CD109: variants seen among roughly 807,000 people sequenced by gnomAD.
CD109 encodes CD109 molecule.
Under a neutral mutation model 165.8 loss-of-function variants are expected in CD109, and 149 were observed. That is an observed-to-expected ratio of 0.90 (90% confidence interval 0.79 to 1.03). The LOEUF (loss-of-function observed/expected upper bound fraction) is 1.03. Ranked by LOEUF, CD109 falls within the 50% of genes least tolerant of loss-of-function variation. CD109 has a pLI of 0.00. For synonymous variants in CD109, 585 were observed against 592.1 expected (o/e 0.99, Z 0.18); for missense variants, 1,712 against 1,677.8 (o/e 1.02, Z -0.36).
intron 32 of CD109, 21 bp downstream of exon 32, chr6:73,820,584 T>G: frequency 1.5e-6 from 2 of 1,340,888 alleles, no homozygotes; most frequent in Non-Finnish European, 2.1e-6. Flanking sequence ...TCTGGAGTTC[T>G]TAATACTTTA....
intron 23 of CD109, among the ~76,000 whole-genome samples, chr6:73,798,755 C>T (rs574505041): frequency 2.6e-5 from 4 of 152,158 alleles, no homozygotes; most frequent in Non-Finnish European, 5.9e-5. Flanking sequence ...AGGTCAGCCA[C>T]CTGAGGGGTA....
At chr6:73,774,393 C>T (rs1017038604) in intron 15 of CD109, among the ~76,000 whole-genome samples, 1 of 152,144 alleles carries the variant, frequency 6.6e-6, no homozygotes, top group Non-Finnish European at 1.5e-5. Flanking sequence ...CTTTCTGCTG[C>T]TTGCCTCTAT....
intron 4 of CD109, 118 bp downstream of exon 4, chr6:73,730,692 C>G: frequency 1.5e-6 from 1 of 677,944 alleles, no homozygotes; most frequent in Non-Finnish European, 2.5e-6. Flanking sequence ...GATAAGCTTC[C>G]CTCCCAACAT....
rs1162677087 is a variant in CD109, at chr6:73,787,372, C to A, written c.2476C>A (p.His826Asn). Residue 826 changes from histidine to asparagine, a missense_variant, in exon 21 of 33, where the codon CAT becomes AAT. Transcript: ENST00000287097. ...ATVLFPIRPT[H>N]LGEIPITVTA... ...TGTTCTTTTTCCCATCAGGCCAACA[C>A]ATCTGGGAGAAATTCCTATCACAGT... 6.2e-7 allele frequency: 1 copy of A among 1,614,006 alleles called. No homozygotes were observed. Among genetic ancestry groups the A allele is most frequent in the Admixed American group, 1.7e-5 (1 of 60,006 alleles).
intron 22 of CD109, among the ~76,000 whole-genome samples, chr6:73,789,404 A>G (rs1774830835): frequency 1.5e-5 from 2 of 130,316 alleles, no homozygotes; most frequent in Admixed American, 1.6e-4. Context: ...TCATCACCTC[A>G]AATACTTAAC....
upstream of CD109, chr6:73,695,881 T>G (rs554431943): frequency 2.0e-5 from 7 of 357,554 alleles, no homozygotes; most frequent in Admixed American, 4.7e-5. Flanking sequence ...AGGAACCCGG[T>G]GGGCCGGGGA....
At chr6:73,789,547 AG>A in intron 22 of CD109, among the ~76,000 whole-genome samples, 1 of 148,140 alleles carries the variant, frequency 6.8e-6, no homozygotes, top group South Asian at 2.1e-4. Context: ...TCTGCTTCCC[AG>A]GTTCACGCCA....
At chr6:73,703,541 A>G (rs1436481437) in intron 2 of CD109, among the ~76,000 whole-genome samples, 2 of 152,206 alleles carry the variant, frequency 1.3e-5, no homozygotes, top group Non-Finnish European at 2.9e-5. Flanking sequence ...CAGTTTCCCA[A>G]ATTTGCAGTC....
Position 73,782,515 on chromosome 6 carries a change from T to C in CD109, c.1964-99T>C, listed in dbSNP as rs1774544265. 2.5e-6 allele frequency: 3 copies of C among 1,178,746 alleles called. No homozygotes were observed. The African/African-American group carries it at 4.5e-5, about 18-fold the overall frequency. The allele number at this position is 1,178,746 out of a possible 1,614,324, so 73.0% of individuals were successfully genotyped here. A position where few individuals can be genotyped will look rare whatever the true frequency, so the allele number is the denominator to read the frequency against. ...TACTCTCACTGGCACATTATGTCTC[T>C]GGACACCTCAAGTGATTGACATTCA... On this transcript the variant is annotated intron_variant, in intron 17 of 32. Coordinates refer to ENST00000287097, the MANE Select transcript of CD109 (RefSeq NM_133493.5).
intron 25 of CD109, 87 bp from the exon 26 acceptor site, chr6:73,807,996 T>C: frequency 4.2e-6 from 5 of 1,202,696 alleles, no homozygotes; most frequent in Non-Finnish European, 5.9e-6. Context: ...ACTTATTTTT[T>C]AAATGCATGT....
chr6:73,738,669 T>C (rs1050125193), intron 5 of CD109, among the ~76,000 whole-genome samples: 2 of 152,226 alleles, frequency 1.3e-5, no homozygotes, highest in Non-Finnish European at 2.9e-5. Flanking sequence ...GAAATTTAGG[T>C]GCTTAAAAAA....
chr6:73,729,630 A>G (rs1358123254), intron 3 of CD109, among the ~76,000 whole-genome samples: 1 of 151,808 alleles, frequency 6.6e-6, no homozygotes, highest in Non-Finnish European at 1.5e-5. Context: ...CTCCTGCCTC[A>G]GCCTCCCGGA....
intron 2 of CD109, among the ~76,000 whole-genome samples, chr6:73,701,543 A>C (rs1771079330): frequency 6.6e-6 from 1 of 152,180 alleles, no homozygotes; most frequent in African/African-American, 2.4e-5. Flanking sequence ...GAAAAAAGAA[A>C]TTAAGAACAT....
chr6:73,713,930 T>C (rs1337140313), intron 2 of CD109, among the ~76,000 whole-genome samples: 1 of 150,916 alleles, frequency 6.6e-6, no homozygotes, highest in East Asian at 2.0e-4. Flanking sequence ...CCCCCGTCGT[T>C]CTTCATCTTT....
chr6:73,759,808 A>T (rs1244747299), intron 7 of CD109, among the ~76,000 whole-genome samples: 2 of 152,120 alleles, frequency 1.3e-5, no homozygotes, highest in Admixed American at 1.3e-4. Context: ...AGACTCTTGA[A>T]TGAGTGAATT....
intron 23 of CD109, among the ~76,000 whole-genome samples, chr6:73,802,672 A>G (rs915360902): frequency 7.4e-5 from 11 of 149,622 alleles, no homozygotes; most frequent in Non-Finnish European, 1.6e-4. Flanking sequence ...CTTTTAATTT[A>G]CTTTAATTTG....
intron 2 of CD109, among the ~76,000 whole-genome samples, chr6:73,714,455 C>T (rs545262659): frequency 6.6e-6 from 1 of 152,214 alleles, no homozygotes; most frequent in Non-Finnish European, 1.5e-5. Flanking sequence ...GCATTGCAGC[C>T]CCACTGCTCT....
At chr6:73,769,089 C>T (rs1251245991) in intron 14 of CD109, among the ~76,000 whole-genome samples, 1 of 151,936 alleles carries the variant, frequency 6.6e-6, no homozygotes, top group African/African-American at 2.4e-5. Flanking sequence ...AGGGTTTTGC[C>T]ATGTTGCTCA....
Position 73,811,110 on chromosome 6 carries a change from T to C in CD109, c.3665T>C (p.Ile1222Thr). Residue 1222 changes from isoleucine to threonine, a missense_variant, in exon 28 of 33, where the codon ATT (isoleucine) becomes ACT (threonine). By Grantham distance (89) the Ile-to-Thr change is moderately conservative. Transcript: ENST00000287097. ...PSSPSPVKFL[I>T]DTHNRLLLQT... ...TCACCAAGTCCTGTAAAGTTTCTGA[T>C]TGACACACACAACCGCTTACTCCTT... 3 of 1,613,304 alleles carry C rather than the reference T, an allele frequency of 1.9e-6. No individual in the cohort carries two copies. The highest frequency in any genetic ancestry group is 2.5e-6 in the Non-Finnish European group (3 of 1,179,544).
Sources: gnomAD v4.1 joint callset for allele counts (sites outside exome capture counted in the v4.1 genomes callset) on GRCh38, gnomAD v4.1.1 for gene constraint, MANE v1.5 for transcripts, NCBI Gene and HGNC (gene_info 2026-07-23, HGNC 2026-07-21) for gene names.